SLC8A1: variants seen among roughly 807,000 people sequenced by gnomAD.
The protein encoded by SLC8A1 is solute carrier family 8 member A1, also known as sodium/calcium exchanger 1.
A neutral mutation model predicts 68.3 loss-of-function variants in SLC8A1; 18 were observed. The observed-to-expected ratio is 0.26, with a 90% CI of 0.18 to 0.39. The LOEUF (loss-of-function observed/expected upper bound fraction) is 0.39, where lower values mean the gene tolerates loss of function less well. Ranked by LOEUF, SLC8A1 falls within the 10% of genes least tolerant of loss-of-function variation. SLC8A1 has a pLI of 1.00. For missense variants in SLC8A1, 985 were observed against 1,156.7 expected, an observed-to-expected ratio of 0.85 and a Z score of 2.15; for synonymous variants, 475 against 415.5, an observed-to-expected ratio of 1.14 and a Z score of -1.74.
intron 2 of SLC8A1, among the ~76,000 whole-genome samples, chr2:40,245,295 T>C (rs555337530): frequency 8.6e-6 from 1 of 116,412 alleles, no homozygotes; most frequent in East Asian, 2.5e-4. Context: ...ACCGGATCTC[T>C]CTGATATCCC....
At chr2:40,459,659 G>A (rs188874809) in intron 1 of SLC8A1, among the ~76,000 whole-genome samples, 40 of 152,260 alleles carry the variant, frequency 2.6e-4, no homozygotes, top group African/African-American at 4.6e-4. Flanking sequence ...TCTTATTAGT[G>A]CACCTGGATG....
intron 2 of SLC8A1, among the ~76,000 whole-genome samples, chr2:40,353,277 A>G (rs1671679254): frequency 6.6e-6 from 1 of 152,156 alleles, no homozygotes; most frequent in Non-Finnish European, 1.5e-5. Flanking sequence ...CTTAGGAGCC[A>G]ACTCTTGACA....
chr2:40,177,826 C>A lies in SLC8A1; in HGVS notation c.1838G>T (p.Arg613Leu), dbSNP rs5556. ...ACTGCACTCTTTCTCATATTCCTCACGGTCAAATATTCTAATGGTAATGAT... is the reference window on the plus strand; with the variant it reads ...ACTGCACTCTTTCTCATATTCCTCAAGGTCAAATATTCTAATGGTAATGAT... Residue 613 changes from arginine (R) to leucine (L), a missense_variant, in exon 3 of 8, where the codon CGT becomes CTT. Transcript: ENST00000406785. The A allele has an allele frequency of 2.6e-6, 4 of 1,550,894 alleles. No individual in the cohort carries two copies. In the East Asian group the frequency reaches 7.3e-5, roughly 28 times the overall value.
At position 40,230,379 on chromosome 2, in the gene SLC8A1, T is replaced by C. The variant is rs1450913998; in HGVS notation, c.1809-52524A>G. 4.6e-5 allele frequency among the ~76,000 whole-genome samples: 7 copies of C among 152,296 alleles called. No homozygotes were observed. In the East Asian group the frequency reaches 1.4e-3, roughly 29 times the overall value. ...TGTTACCTTCACTACCTCATTCTAA[T>C]TCCATCAGTGCTTCTTTATAAGCAG... is the stretch of plus-strand genomic sequence containing the variant. On this transcript the variant is annotated intron_variant, in intron 2 of 7. Coordinates refer to ENST00000406785, the Ensembl canonical transcript of SLC8A1.
intron 2 of SLC8A1, among the ~76,000 whole-genome samples, chr2:40,239,895 A>G (rs2060979599): frequency 6.6e-6 from 1 of 152,196 alleles, no homozygotes; most frequent in Non-Finnish European, 1.5e-5. Flanking sequence ...TCTTTTACCC[A>G]TGGAAACCGA....
At chr2:40,139,509 G>T in exon 7 of SLC8A1, 1 of 1,614,192 alleles carries the variant, frequency 6.2e-7, no homozygotes, top group South Asian at 1.1e-5. Flanking sequence ...GCTGTCAGTA[G>T]GCCAATCATG....
At chr2:40,178,276 A>G (rs2048839027) in intron 2 of SLC8A1, 111 bp downstream of exon 3, 2 of 823,250 alleles carry the variant, frequency 2.4e-6, no homozygotes, top group Non-Finnish European at 2.1e-6. Context: ...GCCCTGTTAC[A>G]TAGGTGGAGG....
intron 7 of SLC8A1, among the ~76,000 whole-genome samples, chr2:40,122,214 ACACACACACACGTGTGCG>A (rs1182611385): frequency 1.4e-5 from 2 of 147,278 alleles, no homozygotes; most frequent in African/African-American, 5.1e-5. Flanking sequence ...GCGCACACAC[ACACACACACACGTGTGCG>A]CGCGCACACA....
intron 2 of SLC8A1, among the ~76,000 whole-genome samples, chr2:40,265,997 G>A (rs575242801): frequency 1.3e-5 from 2 of 152,212 alleles, no homozygotes; most frequent in East Asian, 3.9e-4. Flanking sequence ...ATTTCCCAAG[G>A]GGAGCCACTC....
At chr2:40,400,068 C>A (rs1331421148) in intron 2 of SLC8A1, among the ~76,000 whole-genome samples, 1 of 152,108 alleles carries the variant, frequency 6.6e-6, no homozygotes, top group Non-Finnish European at 1.5e-5. Context: ...AGTCACGTAC[C>A]CGCTGCTTGC....
intron 2 of SLC8A1, among the ~76,000 whole-genome samples, chr2:40,209,693 G>C (rs896674709): frequency 6.6e-5 from 10 of 152,244 alleles, no homozygotes; most frequent in East Asian, 5.8e-4. Context: ...ACAGAGTATA[G>C]AGTGATAGAC....
chr2:40,134,095 G>GTT (rs59189337), intron 7 of SLC8A1, among the ~76,000 whole-genome samples: 36 of 149,054 alleles, frequency 2.4e-4, no homozygotes, highest in South Asian at 1.0e-3. Context: ...TTGTTTGTTT[G>GTT]TGTTTTTTTT....
At chr2:40,323,142 G>A (rs1460000585) in intron 2 of SLC8A1, among the ~76,000 whole-genome samples, 1 of 152,098 alleles carries the variant, frequency 6.6e-6, no homozygotes, top group African/African-American at 2.4e-5. Flanking sequence ...CAACTATAAT[G>A]CTTTTGTTCT....
chr2:40,273,365 T>A (rs1252566699), intron 2 of SLC8A1, among the ~76,000 whole-genome samples: 1 of 152,112 alleles, frequency 6.6e-6, no homozygotes, highest in Non-Finnish European at 1.5e-5. Context: ...AGCGCTGGGA[T>A]TACAGGCACT....
intron 2 of SLC8A1, among the ~76,000 whole-genome samples, chr2:40,380,591 A>T (rs1250162386): frequency 6.6e-6 from 1 of 152,108 alleles, no homozygotes; most frequent in Non-Finnish European, 1.5e-5. Flanking sequence ...AGTGGGTTCC[A>T]CCAGCTGCAC....
At chr2:40,152,924 A>G (rs2043724623) in intron 6 of SLC8A1, among the ~76,000 whole-genome samples, 2 of 128,776 alleles carry the variant, frequency 1.6e-5, no homozygotes, top group South Asian at 4.9e-4. Flanking sequence ...ACATGCCACT[A>G]TGATGTGCCA....
intron 1 of SLC8A1, among the ~76,000 whole-genome samples, chr2:40,478,453 T>C (rs926469383): frequency 3.3e-5 from 5 of 152,192 alleles, no homozygotes; most frequent in African/African-American, 1.2e-4. Flanking sequence ...CATTTTTGTA[T>C]CTACAAACCC....
At chr2:40,263,262 G>T (rs919446572) in intron 2 of SLC8A1, among the ~76,000 whole-genome samples, 2 of 152,176 alleles carry the variant, frequency 1.3e-5, no homozygotes, top group African/African-American at 2.4e-5. Flanking sequence ...GAGTTGTTGT[G>T]AATACAAAAA....
In SLC8A1 at chr2:40,409,747, A is replaced by T. The variant is rs1691511381; in HGVS notation, c.1808+18726T>A. 3.3e-5 allele frequency among the ~76,000 whole-genome samples: 5 copies of T among 152,202 alleles called. No homozygotes were observed. In the South Asian group the frequency reaches 8.3e-4, roughly 25 times the overall value. Reference sequence around the variant, plus strand: ...GCTCAAAATATAGTGGGATTTATGCATTCCAGTGCCACATCATCCACCATT... The same window carrying T: ...GCTCAAAATATAGTGGGATTTATGCTTTCCAGTGCCACATCATCCACCATT... On this transcript the variant is annotated intron_variant, in intron 2 of 7. Coordinates refer to ENST00000406785, the Ensembl canonical transcript of SLC8A1.
Sources: allele counts gnomAD v4.1 joint callset (sites outside exome capture counted in the v4.1 genomes callset), GRCh38; gene constraint gnomAD v4.1.1; transcripts MANE v1.5; gene names NCBI Gene and HGNC (gene_info 2026-07-23, HGNC 2026-07-21).